The following PTCH1 variants were observed in gnomAD, a reference collection of about 807,000 sequenced individuals.
PTCH1 encodes patched 1.
A neutral mutation model predicts 144.6 loss-of-function variants in PTCH1; 14 were observed. That is an observed-to-expected ratio of 0.10 (90% confidence interval 0.06 to 0.15). PTCH1 has a LOEUF of 0.15. Ranked by LOEUF, PTCH1 falls within the 10% of genes least tolerant of loss-of-function variation. PTCH1 has a pLI of 1.00. For missense variants in PTCH1, 1,623 were observed against 1,948.3 expected, an observed-to-expected ratio of 0.83 and a Z score of 3.14; for synonymous variants, 833 against 793.6, an observed-to-expected ratio of 1.05 and a Z score of -0.83.
At chr9:95,474,466 T>G (rs1840862899) in intron 12 of PTCH1, among the ~76,000 whole-genome samples, 1 of 152,214 alleles carries the variant, frequency 6.6e-6, no homozygotes, top group Admixed American at 6.5e-5. Flanking sequence ...GTCCTGTGCT[T>G]TGGTTCGAGC....
chr9:95,472,504 G>A (rs1449431328), intron 12 of PTCH1, among the ~76,000 whole-genome samples: 2 of 152,170 alleles, frequency 1.3e-5, no homozygotes, highest in Non-Finnish European at 2.9e-5. Flanking sequence ...CCTGGGGGCC[G>A]AATCCTTTTA....
intron 23 of PTCH1, 84 bp downstream of exon 23, chr9:95,446,827 G>A: frequency 1.3e-6 from 2 of 1,580,860 alleles, no homozygotes; most frequent in Non-Finnish European, 1.7e-6. Context: ...CAGCCCCTCG[G>A]GGATGCCGAG....
intron 6 of PTCH1, 30 bp downstream of exon 6, chr9:95,480,360 C>T (rs1191315898): frequency 6.2e-7 from 1 of 1,608,126 alleles, no homozygotes; most frequent in South Asian, 1.1e-5. Flanking sequence ...GCTCTCCACC[C>T]TTCTGAGAGC....
At chr9:95,497,659 C>T (rs1169953502) in intron 2 of PTCH1, among the ~76,000 whole-genome samples, 1 of 152,178 alleles carries the variant, frequency 6.6e-6, no homozygotes, top group Non-Finnish European at 1.5e-5. Context: ...GTGACAAGAG[C>T]GCTCTTCCTG....
rs1843956456 is a variant in PTCH1 at position 95,508,691 on chromosome 9, G to T, written c.-330C>A. Reference sequence around the variant, plus strand: ...AAGAGCGAGAGCCGGCGCGCCGAGCGAGCCTGTCCTTCGGGCGCTTCCGCG... The same window carrying T: ...AAGAGCGAGAGCCGGCGCGCCGAGCTAGCCTGTCCTTCGGGCGCTTCCGCG... On this transcript the variant is annotated 5_prime_UTR_variant, in exon 1 of 24. Coordinates refer to ENST00000331920, the MANE Select transcript of PTCH1 (RefSeq NM_000264.5). The T allele has an allele frequency of 3.0e-6, 3 of 987,028 alleles. No individual in the cohort carries two copies. Among genetic ancestry groups the T allele is most frequent in the Admixed American group, 1.2e-4 (2 of 16,286 alleles). The allele number at this position is 987,028 out of a possible 1,614,324, so 61.1% of individuals were successfully genotyped here.
chr9:95,449,042 T>G lies in PTCH1; in HGVS notation c.3804+27A>C, dbSNP rs776330353. 2 of 1,612,636 alleles carry G rather than the reference T, an allele frequency of 1.2e-6. No homozygotes were observed. Among genetic ancestry groups the G allele is most frequent in the East Asian group, 2.2e-5 (1 of 44,840 alleles). On this transcript the variant is annotated intron_variant, in intron 22 of 23. Coordinates refer to ENST00000331920, the MANE Select transcript of PTCH1 (RefSeq NM_000264.5). The surrounding 1 kb of genome is among the most constrained non-coding windows in gnomAD (Gnocchi z 5.3). Reference sequence around the variant, plus strand: ...CCCACTACCACGGTGGGAAGACCCCTCCCCCTGGTTCTGCAGAGTCACTTA... The same window carrying G: ...CCCACTACCACGGTGGGAAGACCCCGCCCCCTGGTTCTGCAGAGTCACTTA...
rs762819260 is a variant in PTCH1 at position 95,446,338 on chromosome 9, G to A, written c.*55C>T. The A allele has an allele frequency of 1.5e-5, 8 of 517,214 alleles. No homozygotes were observed. The highest frequency in any genetic ancestry group is 7.0e-5 in the South Asian group (5 of 71,036). The allele number at this position is 517,214 out of a possible 1,614,324, so 32.0% of individuals were successfully genotyped here. ...TCTCTTCAAGCAGTTCTGGAAAGAGGTGGGGGTGGGGGGTTTCCAATCTTT... is the reference window on the plus strand; with the variant it reads ...TCTCTTCAAGCAGTTCTGGAAAGAGATGGGGGTGGGGGGTTTCCAATCTTT... On this transcript the variant is annotated 3_prime_UTR_variant, in exon 24 of 24. Coordinates refer to ENST00000331920, the MANE Select transcript of PTCH1 (RefSeq NM_000264.5).
chr9:95,490,953 T>C (rs866346006), intron 2 of PTCH1, among the ~76,000 whole-genome samples: 11 of 152,240 alleles, frequency 7.2e-5, no homozygotes, highest in Non-Finnish European at 1.3e-4. Flanking sequence ...TTACACATCA[T>C]ATGCTTATAT....
At chr9:95,489,386 T>A (rs1190538510) in intron 2 of PTCH1, among the ~76,000 whole-genome samples, 1 of 152,212 alleles carries the variant, frequency 6.6e-6, no homozygotes, top group Admixed American at 6.5e-5. Flanking sequence ...TCTTGCTCTG[T>A]TGCCCAGGCT....
intron 2 of PTCH1, among the ~76,000 whole-genome samples, chr9:95,500,172 C>G (rs1190181835): frequency 6.6e-6 from 1 of 152,164 alleles, no homozygotes; most frequent in African/African-American, 2.4e-5. Context: ...CTGTCATCTT[C>G]TGGAACCTCT....
intron 2 of PTCH1, among the ~76,000 whole-genome samples, chr9:95,498,281 G>C (rs2118766384): frequency 6.6e-6 from 1 of 152,270 alleles, no homozygotes; most frequent in East Asian, 1.9e-4. Context: ...CATAGCAGTG[G>C]CATTATGGGA....
chr9:95,509,656 A>C (rs1410218197), upstream of PTCH1, among the ~76,000 whole-genome samples: 4 of 152,302 alleles, frequency 2.6e-5, no homozygotes, highest in Non-Finnish European at 1.5e-5. Flanking sequence ...CACGGGGGGA[A>C]ATGTAATATT....
intron 1 of PTCH1, chr9:95,507,873 C>A: frequency 2.4e-6 from 3 of 1,241,766 alleles, no homozygotes; most frequent in Non-Finnish European, 3.1e-6. Flanking sequence ...TTCCAGTGCT[C>A]CGGAAAAGGC....
At chr9:95,491,433 T>C (rs1035866960) in intron 2 of PTCH1, among the ~76,000 whole-genome samples, 2 of 152,196 alleles carry the variant, frequency 1.3e-5, no homozygotes, top group Non-Finnish European at 2.9e-5. Flanking sequence ...GTGAGAGCCT[T>C]AGCTGACAAT....
chr9:95,507,903 T>TACAC lies in PTCH1; in HGVS notation c.201+257_201+258insGTGT, dbSNP rs1272265021. On this transcript the variant is annotated intron_variant, in intron 1 of 23. Coordinates refer to ENST00000331920, the MANE Select transcript of PTCH1 (RefSeq NM_000264.5). ...AAAGGCACACCAGGGAGGGCGTGTG[T>TACAC]ATACACACACACACACGCACACACA... The TACAC allele has an allele frequency of 2.0e-5, 26 of 1,300,574 alleles. No individual in the cohort carries two copies. In the East Asian group the frequency reaches 3.9e-4, roughly 19 times the overall value. The allele number at this position is 1,300,574 out of a possible 1,614,324, so 80.6% of individuals were successfully genotyped here.
At chr9:95,502,660 A>C (rs28427480) in intron 2 of PTCH1, among the ~76,000 whole-genome samples, 18,332 of 152,260 alleles carry the variant, frequency 0.12, 1,357 homozygotes, top group African/African-American at 0.21. Context: ...GGCAATCATT[A>C]TATGGACATT....
chr9:95,459,249 A>T (rs1281803611), intron 17 of PTCH1, among the ~76,000 whole-genome samples: 2 of 152,312 alleles, frequency 1.3e-5, no homozygotes, highest in Admixed American at 6.5e-5. Flanking sequence ...GTTAAGATAA[A>T]CATATAATCC....
chr9:95,450,811 T>C (rs1838388071), intron 20 of PTCH1: 1 of 152,232 alleles, frequency 6.6e-6, no homozygotes, highest in Admixed American at 6.5e-5. Flanking sequence ...TTTCCCACCA[T>C]TGAGGGCTAA....
At chr9:95,511,975 A>C (rs1019708436), upstream of PTCH1, among the ~76,000 whole-genome samples, 4 of 152,198 alleles carry the variant, frequency 2.6e-5, no homozygotes, top group Non-Finnish European at 5.9e-5. Context: ...GTTTTGGCCC[A>C]AAACTATTAG....
Sources: allele counts gnomAD v4.1 joint callset (sites outside exome capture counted in the v4.1 genomes callset), GRCh38; gene constraint gnomAD v4.1.1; non-coding constraint Gnocchi (gnomAD v3.1); transcripts MANE v1.5; gene names NCBI Gene and HGNC (gene_info 2026-07-23, HGNC 2026-07-21).